ACER1: variants seen among roughly 807,000 people sequenced by gnomAD.
ACER1 encodes alkaline ceramidase 1, also known as CTB-180A7.3.
In ACER1, 28 loss-of-function variants were observed where a neutral mutation model predicts 24.9. The observed-to-expected ratio is 1.13, with a 90% CI of 0.83 to 1.54. ACER1 has a LOEUF of 1.54. Among genes scored for constraint, ACER1 ranks in the 40% most tolerant of loss-of-function variants. ACER1 has a pLI of 0.00. For synonymous variants in ACER1, 132 were observed against 131.4 expected (o/e 1.00, Z -0.03); for missense variants, 352 against 349.3 (o/e 1.01, Z -0.06).
At chr19:6,325,204 G>A (rs1267833315) in intron 1 of ACER1, among the ~76,000 whole-genome samples, 2 of 152,184 alleles carry the variant, frequency 1.3e-5, no homozygotes, top group African/African-American at 2.4e-5. Context: ...TCAGGACAGA[G>A]CACACAGTCC....
At chr19:6,338,579 T>C (rs1488873658), upstream of ACER1, among the ~76,000 whole-genome samples, 3 of 152,192 alleles carry the variant, frequency 2.0e-5, no homozygotes, top group Non-Finnish European at 4.4e-5. Context: ...TGCAAGTTTA[T>C]AATTATTCCA....
chr19:6,341,542 A>G, the ACER1 span, among the ~76,000 whole-genome samples: 3 of 151,394 alleles, frequency 2.0e-5, no homozygotes, highest in Non-Finnish European at 4.4e-5. Context: ...AAAAAAGAAA[A>G]AAAAAGAAAA....
chr19:6,333,320 C>A, intron 1 of ACER1, 139 bp downstream of exon 1: 1 of 627,202 alleles, frequency 1.6e-6, no homozygotes, highest in Non-Finnish European at 2.6e-6. Flanking sequence ...AAAGCTGGCA[C>A]TCTTTGGCTA....
chr19:6,319,917 G>A (rs180967517), intron 1 of ACER1, among the ~76,000 whole-genome samples: 1 of 152,108 alleles, frequency 6.6e-6, no homozygotes, highest in East Asian at 1.9e-4. Context: ...TTCAAGACCA[G>A]CCTGGCCGAC....
At chr19:6,341,382 G>A in the ACER1 span, among the ~76,000 whole-genome samples, 6 of 151,196 alleles carry the variant, frequency 4.0e-5, no homozygotes, top group East Asian at 1.2e-3. Flanking sequence ...TAAAAAGTTA[G>A]CCAGTGGGGG....
the ACER1 span, among the ~76,000 whole-genome samples, chr19:6,345,177 G>A: frequency 6.6e-6 from 1 of 152,146 alleles, no homozygotes; most frequent in Non-Finnish European, 1.5e-5. Context: ...TTACAGGCGT[G>A]AGCCACCGTG....
At chr19:6,328,979 T>A (rs2091674931) in intron 1 of ACER1, among the ~76,000 whole-genome samples, 1 of 151,736 alleles carries the variant, frequency 6.6e-6, no homozygotes, top group Admixed American at 6.6e-5. Flanking sequence ...CCAGCACCCA[T>A]CTGTATAAAA....
chr19:6,323,377 C>T (rs567719517), intron 1 of ACER1, among the ~76,000 whole-genome samples: 44 of 151,106 alleles, frequency 2.9e-4, no homozygotes, highest in African/African-American at 8.5e-4. Context: ...GCAGAGATCA[C>T]GCCACTGCAC....
At chr19:6,355,553 G>A in the ACER1 span, among the ~76,000 whole-genome samples, 1 of 149,734 alleles carries the variant, frequency 6.7e-6, no homozygotes, top group African/African-American at 2.5e-5. Context: ...CTGCCCGACA[G>A]CCACCCCACC....
the ACER1 span, among the ~76,000 whole-genome samples, chr19:6,356,079 G>C: frequency 6.6e-6 from 1 of 151,536 alleles, no homozygotes; most frequent in Non-Finnish European, 1.5e-5. Context: ...TGCCATGTCT[G>C]TGTAGAAAGA....
the ACER1 span, among the ~76,000 whole-genome samples, chr19:6,346,558 C>T: frequency 6.7e-6 from 1 of 148,264 alleles, no homozygotes; most frequent in African/African-American, 2.5e-5. Flanking sequence ...GCTCTGTCAC[C>T]CAGGCTGGAG....
intron 3 of ACER1, 28 bp from the exon 4 acceptor site, chr19:6,309,862 C>G: frequency 6.2e-7 from 1 of 1,612,978 alleles, no homozygotes; most frequent in South Asian, 1.1e-5. Flanking sequence ...CAGCTGTAGG[C>G]GGGAAGGGAG....
intron 1 of ACER1, among the ~76,000 whole-genome samples, chr19:6,328,676 A>T (rs1156478469): frequency 6.6e-6 from 1 of 151,068 alleles, no homozygotes; most frequent in Non-Finnish European, 1.5e-5. Flanking sequence ...ATACAAAACA[A>T]TGTTTTTTTA....
At chr19:6,349,465 GA>G in the ACER1 span, among the ~76,000 whole-genome samples, 5 of 133,024 alleles carry the variant, frequency 3.8e-5, no homozygotes, top group African/African-American at 1.5e-4. Context: ...AGGAAGGAAG[GA>G]AAGAAGGAAG....
chr19:6,318,785 C>CAA (rs201693112), intron 1 of ACER1, among the ~76,000 whole-genome samples: 2,831 of 137,164 alleles, frequency 0.021, 63 homozygotes, highest in East Asian at 0.049. Flanking sequence ...GACTCCGTTT[C>CAA]AAAAAAAATA....
At chr19:6,344,255 C>T in the ACER1 span, among the ~76,000 whole-genome samples, 2 of 151,344 alleles carry the variant, frequency 1.3e-5, no homozygotes, top group African/African-American at 2.4e-5. Context: ...GGCGACAGAG[C>T]GAGACTCCGT....
chr19:6,312,790 C>T (rs2091588472), intron 1 of ACER1, among the ~76,000 whole-genome samples: 1 of 151,456 alleles, frequency 6.6e-6, no homozygotes, highest in Non-Finnish European at 1.5e-5. Context: ...ATTCTCCTGT[C>T]TCAGACTCCC....
chr19:6,314,591 G>A (rs370197462), intron 1 of ACER1, among the ~76,000 whole-genome samples: 2 of 152,016 alleles, frequency 1.3e-5, no homozygotes, highest in Non-Finnish European at 2.9e-5. Context: ...TCTGAGCCGC[G>A]ACAAGTCTCT....
At chr19:6,332,677 TTTC>T (rs994293491) in intron 1 of ACER1, among the ~76,000 whole-genome samples, 2 of 151,596 alleles carry the variant, frequency 1.3e-5, no homozygotes, top group Non-Finnish European at 2.9e-5. Flanking sequence ...TGGGACTTTT[TTTC>T]TTCTTTTTTT....
Sources: gnomAD v4.1 joint callset for allele counts (sites outside exome capture counted in the v4.1 genomes callset) on GRCh38, gnomAD v4.1.1 for gene constraint, MANE v1.5 for transcripts, NCBI Gene and HGNC (gene_info 2026-07-23, HGNC 2026-07-21) for gene names.